Variants in PALM2AKAP2 observed in about 807,000 individuals in gnomAD.
The protein encoded by PALM2AKAP2 is PALM2 and AKAP2 fusion, also known as PALM2-AKAP2 fusion protein.
PALM2AKAP2 carries 37 observed loss-of-function variants against 71.5 expected under a neutral mutation model. The ratio of observed to expected loss-of-function variants is 0.52; its 90% CI spans 0.40 to 0.68. PALM2AKAP2 has a LOEUF of 0.68. Among genes scored for constraint, PALM2AKAP2 ranks in the 30% least tolerant of loss-of-function variants. The probability of loss-of-function intolerance (pLI) is 0.00; values close to 1 mark genes in which losing one functional copy is unlikely to be tolerated. For synonymous variants in PALM2AKAP2, 468 were observed against 478.8 expected (o/e 0.98, Z 0.29); for missense variants, 1,224 against 1,191.8 (o/e 1.03, Z -0.40).
chr9:109,833,068 G>GT (rs1828351323), intron 1 of PALM2AKAP2, among the ~76,000 whole-genome samples: 1 of 152,164 alleles, frequency 6.6e-6, no homozygotes, highest in Non-Finnish European at 1.5e-5. Context: ...TTAAGATGTA[G>GT]TTCTCTGGCT....
At chr9:110,115,566 C>T (rs1450266764) in intron 1 of PALM2AKAP2, among the ~76,000 whole-genome samples, 1 of 152,210 alleles carries the variant, frequency 6.6e-6, no homozygotes, top group African/African-American at 2.4e-5. Context: ...CTCAGACTGA[C>T]CATCTGGACT....
exon 2 of PALM2AKAP2, chr9:110,136,610 A>G (rs1440079997): frequency 6.2e-7 from 1 of 1,613,980 alleles, no homozygotes; most frequent in Non-Finnish European, 8.5e-7. Context: ...CCCTGACCCC[A>G]TGGCAGAGGC....
intron 6 of PALM2AKAP2, chr9:109,943,169 A>C: frequency 6.2e-7 from 1 of 1,614,252 alleles, no homozygotes; most frequent in East Asian, 2.2e-5. Flanking sequence ...GAGGAGACGA[A>C]AAAGGTGCTA....
At chr9:109,768,763 A>G (rs1010228677) in intron 1 of PALM2AKAP2, among the ~76,000 whole-genome samples, 8 of 152,296 alleles carry the variant, frequency 5.3e-5, no homozygotes, top group African/African-American at 1.7e-4. Context: ...TACATTAGTT[A>G]ATATATGTAA....
At chr9:109,937,075 A>G (rs768247853) in intron 6 of PALM2AKAP2, among the ~76,000 whole-genome samples, 1 of 152,154 alleles carries the variant, frequency 6.6e-6, no homozygotes, top group Non-Finnish European at 1.5e-5. Context: ...TAGGCTCCCT[A>G]CAGCCCTTGC....
At chr9:110,073,851 C>G (rs1281712991) in intron 1 of PALM2AKAP2, among the ~76,000 whole-genome samples, 2 of 152,068 alleles carry the variant, frequency 1.3e-5, no homozygotes, top group African/African-American at 4.8e-5. Context: ...ATATTGATTG[C>G]TACTTAGTAT....
At chr9:109,900,837 T>A (rs1178754503) in intron 3 of PALM2AKAP2, among the ~76,000 whole-genome samples, 2 of 152,194 alleles carry the variant, frequency 1.3e-5, no homozygotes. Flanking sequence ...CAAAAGACAG[T>A]TAACTTTGAC....
At chr9:110,033,384 C>T (rs915099778) in intron 7 of PALM2AKAP2, among the ~76,000 whole-genome samples, 3 of 152,226 alleles carry the variant, frequency 2.0e-5, no homozygotes, top group Non-Finnish European at 4.4e-5. Flanking sequence ...TTGACTTCTT[C>T]CTACTTTCTT....
At chr9:109,691,919 T>TATATACAC in intron 1 of PALM2AKAP2, among the ~76,000 whole-genome samples, 1 of 124,194 alleles carries the variant, frequency 8.1e-6, no homozygotes. Flanking sequence ...CACATATATA[T>TATATACAC]ATATACACAT....
chr9:109,667,037 T>C (rs1348328862), intron 1 of PALM2AKAP2, among the ~76,000 whole-genome samples: 2 of 152,172 alleles, frequency 1.3e-5, no homozygotes, highest in Non-Finnish European at 2.9e-5. Flanking sequence ...CGAAGGCAAC[T>C]GCAGGCATCT....
chr9:110,048,988 C>T, intron 1 of PALM2AKAP2: 1 of 1,196,836 alleles, frequency 8.4e-7, no homozygotes, highest in Non-Finnish European at 1.1e-6. Context: ...TTTTAAAGGG[C>T]TTTTTGTGGT....
At chr9:109,704,824 C>CTTGACACAT (rs1456306238) in intron 1 of PALM2AKAP2, among the ~76,000 whole-genome samples, 2 of 152,180 alleles carry the variant, frequency 1.3e-5, no homozygotes, top group African/African-American at 4.8e-5. Context: ...CTCACCAGTG[C>CTTGACACAT]TTGACACATC....
At chr9:109,699,701 TAAG>T (rs2118575717) in intron 1 of PALM2AKAP2, among the ~76,000 whole-genome samples, 1 of 152,136 alleles carries the variant, frequency 6.6e-6, no homozygotes, top group African/African-American at 2.4e-5. Flanking sequence ...GGTGATTGAA[TAAG>T]AAGTGATTTT....
chr9:109,824,858 T>C (rs1450059940), intron 1 of PALM2AKAP2, among the ~76,000 whole-genome samples: 1 of 152,234 alleles, frequency 6.6e-6, no homozygotes, highest in Admixed American at 6.5e-5. Flanking sequence ...TACTGTTTTG[T>C]TTTTCTTTTC....
At chr9:109,979,192 C>T (rs1299254189) in intron 6 of PALM2AKAP2, among the ~76,000 whole-genome samples, 1 of 152,130 alleles carries the variant, frequency 6.6e-6, no homozygotes, top group African/African-American at 2.4e-5. Context: ...GGGATTTCAC[C>T]ATGTTGGCCA....
At chr9:110,150,806 C>T (rs10980225) in intron 2 of PALM2AKAP2, among the ~76,000 whole-genome samples, 3,638 of 152,300 alleles carry the variant, frequency 0.024, 235 homozygotes, top group East Asian at 0.23. Context: ...CAGTCTGGCT[C>T]TCCCGCCTGC....
At chr9:109,962,573 A>C (rs1344680380) in intron 6 of PALM2AKAP2, among the ~76,000 whole-genome samples, 1 of 152,216 alleles carries the variant, frequency 6.6e-6, no homozygotes, top group African/African-American at 2.4e-5. Flanking sequence ...TAAGATACTC[A>C]AAATCTCATT....
intron 1 of PALM2AKAP2, among the ~76,000 whole-genome samples, chr9:110,093,900 C>G (rs1834773461): frequency 6.6e-6 from 1 of 152,234 alleles, no homozygotes; most frequent in Non-Finnish European, 1.5e-5. Flanking sequence ...CTTCTATACT[C>G]TCGTGATACC....
chr9:109,977,586 G>A (rs1044196961), intron 6 of PALM2AKAP2, among the ~76,000 whole-genome samples: 1 of 152,156 alleles, frequency 6.6e-6, no homozygotes, highest in Non-Finnish European at 1.5e-5. Flanking sequence ...AAAAGTAATT[G>A]GTTTCATGTA....
Sources: allele counts gnomAD v4.1 joint callset (sites outside exome capture counted in the v4.1 genomes callset), GRCh38; gene constraint gnomAD v4.1.1; transcripts MANE v1.5; gene names NCBI Gene and HGNC (gene_info 2026-07-23, HGNC 2026-07-21).